PDE4D: variants seen among roughly 807,000 people sequenced by gnomAD.
The protein encoded by PDE4D is 3',5'-cyclic-AMP phosphodiesterase 4D.
PDE4D carries 24 observed loss-of-function variants against 87.4 expected under a neutral mutation model. The observed-to-expected ratio is 0.27, with a 90% CI of 0.20 to 0.39. The LOEUF (loss-of-function observed/expected upper bound fraction) is 0.39, where lower values mean the gene tolerates loss of function less well. PDE4D is among the 10% of genes least tolerant of loss of function. PDE4D has a pLI of 1.00. For missense variants in PDE4D, 714 were observed against 1,041.0 expected (o/e 0.69, Z 4.32); for synonymous variants, 384 against 383.2 (o/e 1.00, Z -0.02).
intron 1 of PDE4D, among the ~76,000 whole-genome samples, chr5:60,258,255 T>C (rs1049129947): frequency 6.6e-6 from 1 of 151,872 alleles, no homozygotes; most frequent in Non-Finnish European, 1.5e-5. Context: ...CTGCAGGAAA[T>C]AGCATGTTTT....
chr5:59,033,055 A>T (rs1156671282), intron 6 of PDE4D, among the ~76,000 whole-genome samples: 1 of 152,216 alleles, frequency 6.6e-6, no homozygotes. Flanking sequence ...TCCTTATCAC[A>T]TACAAAGTAT....
intron 1 of PDE4D, among the ~76,000 whole-genome samples, chr5:59,426,217 A>C (rs1342665172): frequency 1.3e-5 from 2 of 152,188 alleles, no homozygotes; most frequent in African/African-American, 4.8e-5. Flanking sequence ...ATTGTGAGAA[A>C]ACAAATTTCT....
intron 1 of PDE4D, among the ~76,000 whole-genome samples, chr5:59,624,349 T>C (rs991315936): frequency 6.6e-6 from 1 of 152,154 alleles, no homozygotes; most frequent in Non-Finnish European, 1.5e-5. Flanking sequence ...CCACTCTATC[T>C]ACAAATTCTC....
At position 59,613,078 on chromosome 5, in the gene PDE4D, C is replaced by G. The variant is rs116119314; in HGVS notation, c.455+280090G>C. On this transcript the variant is annotated intron_variant, in intron 1 of 14. Coordinates refer to ENST00000340635, the MANE Select transcript of PDE4D (RefSeq NM_001104631.2). ...TGCAAAACAGGCTGAAGCAGGGACA[C>G]TGGTCAGGAGGTGGTGCAGCAACAC... Among the ~76,000 whole-genome samples the G allele has an allele frequency of 2.4e-3, 365 of 152,240 alleles. 1 individual carries two copies. Among genetic ancestry groups the G allele is most frequent in the African/African-American group, 8.6e-3 (357 of 41,550 alleles).
rs144380513 is a variant in PDE4D, at chr5:60,014,287, C to T, written c.43-25570G>A. Reference sequence around the variant, plus strand: ...ACGTAAGTGACCTACCTAATCAATACCACATGGAGCAGAAGACATACTCAG... The same window carrying T: ...ACGTAAGTGACCTACCTAATCAATATCACATGGAGCAGAAGACATACTCAG... On this transcript the variant is annotated intron_variant, in intron 2 of 16. Transcript: ENST00000502484. Among the ~76,000 whole-genome samples, 56 of 152,124 alleles carry T rather than the reference C, an allele frequency of 3.7e-4. 1 individual carries two copies. The highest frequency in any genetic ancestry group is 3.4e-3 in the Middle Eastern group (1 of 294).
At chr5:60,348,689 G>A (rs76944000) in intron 1 of PDE4D, among the ~76,000 whole-genome samples, 2,454 of 151,540 alleles carry the variant, frequency 0.016, 67 homozygotes, top group East Asian at 0.13. Context: ...CTTTTTTTGC[G>A]GCTTGCCTGT....
At chr5:59,334,943 C>T (rs1367844417) in intron 1 of PDE4D, among the ~76,000 whole-genome samples, 1 of 152,156 alleles carries the variant, frequency 6.6e-6, no homozygotes, top group East Asian at 1.9e-4. Context: ...AACCCATTTG[C>T]CTCTGCTTTT....
intron 1 of PDE4D, among the ~76,000 whole-genome samples, chr5:59,553,612 G>C (rs1327196406): frequency 1.3e-5 from 2 of 151,974 alleles, no homozygotes; most frequent in Non-Finnish European, 2.9e-5. Flanking sequence ...GAGTTCTTTG[G>C]AACTAATTTC....
intron 1 of PDE4D, among the ~76,000 whole-genome samples, chr5:59,313,544 A>G (rs896607113): frequency 2.6e-5 from 4 of 152,156 alleles, no homozygotes; most frequent in Non-Finnish European, 5.9e-5. Context: ...TAACCAAGCT[A>G]TATCTTGAGT....
At chr5:59,434,415 C>T (rs547412858) in intron 1 of PDE4D, among the ~76,000 whole-genome samples, 1 of 152,038 alleles carries the variant, frequency 6.6e-6, no homozygotes, top group Non-Finnish European at 1.5e-5. Context: ...TCCTTCCCTC[C>T]CCAACCCTCG....
chr5:60,265,859 C>A (rs1750152564), intron 1 of PDE4D, among the ~76,000 whole-genome samples: 1 of 152,168 alleles, frequency 6.6e-6, no homozygotes, highest in African/African-American at 2.4e-5. Context: ...TTCTTTGAAG[C>A]AGCCTCTCTG....
At chr5:60,257,264 AAG>A (rs201618741) in intron 1 of PDE4D, among the ~76,000 whole-genome samples, 1 of 151,252 alleles carries the variant, frequency 6.6e-6, no homozygotes, top group East Asian at 1.9e-4. Context: ...AAAGAAAAGA[AAG>A]AGAGAAAGAG....
intron 1 of PDE4D, among the ~76,000 whole-genome samples, chr5:59,411,271 T>C (rs1792634914): frequency 6.6e-6 from 1 of 152,230 alleles, no homozygotes; most frequent in Admixed American, 6.5e-5. Context: ...TTCCTCTCCT[T>C]TCCATTTCCT....
At chr5:59,999,624 G>A (rs2152837703) in intron 2 of PDE4D, among the ~76,000 whole-genome samples, 1 of 149,788 alleles carries the variant, frequency 6.7e-6, no homozygotes, top group East Asian at 2.0e-4. Flanking sequence ...CAATTTATAA[G>A]GACTGAAGAG....
At chr5:59,165,567 T>C (rs773170022) in intron 5 of PDE4D, among the ~76,000 whole-genome samples, 47 of 152,352 alleles carry the variant, frequency 3.1e-4, no homozygotes, top group Non-Finnish European at 5.7e-4. Context: ...TGAGCAACCA[T>C]GCCCAGCCTT....
At chr5:60,143,091 G>A (rs1332559497) in intron 2 of PDE4D, among the ~76,000 whole-genome samples, 1 of 152,190 alleles carries the variant, frequency 6.6e-6, no homozygotes, top group Non-Finnish European at 1.5e-5. Flanking sequence ...CCTCACGGTA[G>A]CTGGGAGTGA....
At chr5:59,480,730 T>C (rs998224237) in intron 1 of PDE4D, among the ~76,000 whole-genome samples, 1 of 152,206 alleles carries the variant, frequency 6.6e-6, no homozygotes, top group African/African-American at 2.4e-5. Context: ...CTTGATCCAA[T>C]TAATAGGTTT....
At chr5:59,458,543 C>G (rs1020600081) in intron 1 of PDE4D, among the ~76,000 whole-genome samples, 1 of 152,164 alleles carries the variant, frequency 6.6e-6, no homozygotes, top group African/African-American at 2.4e-5. Flanking sequence ...CAGGCTCTGT[C>G]TGTGGCTGGA....
chr5:59,677,480 T>C (rs1748293389), intron 1 of PDE4D, among the ~76,000 whole-genome samples: 1 of 152,172 alleles, frequency 6.6e-6, no homozygotes, highest in Non-Finnish European at 1.5e-5. Flanking sequence ...GCAATGGAGA[T>C]ACACAGAAAG....
Sources: allele counts gnomAD v4.1 joint callset (sites outside exome capture counted in the v4.1 genomes callset), GRCh38; gene constraint gnomAD v4.1.1; transcripts MANE v1.5; gene names NCBI Gene and HGNC (gene_info 2026-07-23, HGNC 2026-07-21).